The following CYP3A7 variants were observed in gnomAD, a reference collection of about 807,000 sequenced individuals.
CYP3A7 encodes the protein cytochrome P450 3A7.
CYP3A7 carries 45 observed loss-of-function variants against 55.2 expected under a neutral mutation model. The ratio of observed to expected loss-of-function variants is 0.82; its 90% CI spans 0.64 to 1.05. The LOEUF is 1.05. CYP3A7 is among the 50% of genes least tolerant of loss of function. The probability of loss-of-function intolerance (pLI) is 0.00; values close to 1 mark genes in which losing one functional copy is unlikely to be tolerated. For synonymous variants in CYP3A7, 180 were observed against 207.4 expected, an observed-to-expected ratio of 0.87 and a Z score of 1.13; for missense variants, 548 against 605.3, an observed-to-expected ratio of 0.91 and a Z score of 0.99.
At chr7:99,706,366 G>A (rs998618206) in intron 12 of CYP3A7, among the ~76,000 whole-genome samples, 1 of 152,150 alleles carries the variant, frequency 6.6e-6, no homozygotes, top group Non-Finnish European at 1.5e-5. Flanking sequence ...CCAGAGGACC[G>A]CCTTCTCTCA....
intron 2 of CYP3A7, among the ~76,000 whole-genome samples, chr7:99,726,218 C>T (rs1002098364): frequency 6.6e-6 from 1 of 152,162 alleles, no homozygotes; most frequent in Admixed American, 6.5e-5. Context: ...ATTACTATCC[C>T]ATTAAAGCCT....
intron 6 of CYP3A7, among the ~76,000 whole-genome samples, 196 bp from the exon 7 acceptor site, chr7:99,716,102 G>T (rs1244025456): frequency 6.6e-6 from 1 of 152,152 alleles, no homozygotes; most frequent in African/African-American, 2.4e-5. Flanking sequence ...CTGGCTCTCC[G>T]CTGGGGGTGA....
Position 99,731,054 on chromosome 7 carries a change from C to T in CYP3A7, c.165+5G>A. 6.2e-7 allele frequency: 1 copy of T among 1,613,734 alleles called. No individual in the cohort carries two copies. The highest frequency in any genetic ancestry group is 8.5e-7 in the Non-Finnish European group (1 of 1,179,730). On this transcript the variant is annotated splice_donor_5th_base_variant and intron_variant, in intron 2 of 12. Coordinates refer to ENST00000336374, the MANE Select transcript of CYP3A7 (RefSeq NM_000765.5). ...AAGCAAAAGAGGAAGCTCAAAAACA[C>T]TCACCTTACGGAAGGACAAAGCATT...
intron 9 of CYP3A7, among the ~76,000 whole-genome samples, chr7:99,711,781 A>AAC (rs1554429270): frequency 1.3e-5 from 2 of 151,212 alleles, no homozygotes; most frequent in Non-Finnish European, 3.0e-5. Context: ...AAACAAAACA[A>AAC]AACAACAACA....
At chr7:99,724,944 C>G (rs1234956958) in intron 2 of CYP3A7, among the ~76,000 whole-genome samples, 1 of 152,112 alleles carries the variant, frequency 6.6e-6, no homozygotes, top group Non-Finnish European at 1.5e-5. Flanking sequence ...AGAGTTGATA[C>G]CCTAGCCCAA....
intron 12 of CYP3A7, 60 bp from the exon 13 acceptor site, chr7:99,705,655 G>A: frequency 6.3e-7 from 1 of 1,589,918 alleles, no homozygotes; most frequent in South Asian, 1.1e-5. Flanking sequence ...AGAAAGTATA[G>A]CATCAAAGTA....
intron 5 of CYP3A7, 54 bp downstream of exon 5, chr7:99,717,472 C>T: frequency 6.2e-7 from 1 of 1,606,584 alleles, no homozygotes; most frequent in Non-Finnish European, 8.5e-7. Context: ...TTCTACCTGT[C>T]CCCACCTGAT....
At chr7:99,728,952 ACCTACT>A (rs1814520545) in intron 2 of CYP3A7, among the ~76,000 whole-genome samples, 1 of 152,192 alleles carries the variant, frequency 6.6e-6, no homozygotes, top group Non-Finnish European at 1.5e-5. Context: ...TGAGGCCTTG[ACCTACT>A]CACTGCTGAA....
intron 6 of CYP3A7, among the ~76,000 whole-genome samples, chr7:99,716,742 C>G (rs114788055): frequency 0.018 from 2,804 of 152,062 alleles, 82 homozygotes; most frequent in African/African-American, 0.064. Context: ...TACTGATACC[C>G]TCAGAAAAAA....
rs752032213 is a variant in CYP3A7, at chr7:99,715,906, G to A, written c.522C>T (p.His174=). 3.1e-6 allele frequency: 5 copies of A among 1,613,616 alleles called. No homozygotes were observed. Among genetic ancestry groups the A allele is most frequent in the East Asian group, 2.2e-5 (1 of 44,878 alleles). The change falls in exon 7 of 13, where the codon CAC becomes CAT. Residue 174 remains histidine, a splice_region_variant and synonymous_variant. Coordinates refer to ENST00000336374, the MANE Select transcript of CYP3A7 (RefSeq NM_000765.5). The part of the protein sequence containing the change: ...AETGKPVTLK[H]VFGAYSMDVI... ...CATCCATGCTGTAGGCCCCAAAGAC[G>A]CTGAGTGGAGAAAGATGTGGAAAAT...
chr7:99,705,853 T>G (rs1297924844), intron 12 of CYP3A7, among the ~76,000 whole-genome samples: 2 of 152,208 alleles, frequency 1.3e-5, no homozygotes, highest in East Asian at 3.8e-4. Context: ...TGAGACAAAT[T>G]CATGGGAACC....
In CYP3A7 at chr7:99,735,061, G is replaced by A; in HGVS notation, c.33C>T (p.Thr11=). The change falls in exon 1 of 13, where the codon ACC becomes ACT. Residue 11 remains threonine, a synonymous_variant. Coordinates refer to ENST00000336374, the MANE Select transcript of CYP3A7 (RefSeq NM_000765.5). MDLIPNLAVE[T]WLLLAVSLIL... is the part of the protein sequence containing the mutation. ...TCAGGCTGACAGCCAGGAGAAGCCA[G>A]GTTTCCACGGCCAAGTTTGGGATGA... 6.2e-7 allele frequency: 1 copy of A among 1,614,116 alleles called. No homozygotes were observed. The highest frequency in any genetic ancestry group is 8.5e-7 in the Non-Finnish European group (1 of 1,179,982).
chr7:99,728,766 G>T (rs1289048509), intron 2 of CYP3A7, among the ~76,000 whole-genome samples: 1 of 152,124 alleles, frequency 6.6e-6, no homozygotes, highest in East Asian at 1.9e-4. Flanking sequence ...GTAGGGTTAG[G>T]ACTTTCTGCT....
chr7:99,720,351 G>T lies in CYP3A7; in HGVS notation c.280C>A (p.Leu94Ile), dbSNP rs1341882659. 1 of 1,613,684 alleles carries T rather than the reference G, an allele frequency of 6.2e-7. No individual in the cohort carries two copies. Among genetic ancestry groups the T allele is most frequent in the Non-Finnish European group, 8.5e-7 (1 of 1,179,744 alleles). Residue 94 changes from leucine (L) to isoleucine (I), a missense_variant, in exon 4 of 13, where the codon CTA becomes ATA. Physicochemically the swap from Leu to Ile is conservative, Grantham distance 5. Coordinates refer to ENST00000336374, the MANE Select transcript of CYP3A7 (RefSeq NM_000765.5). ...ITDPDMIKTV[L>I]VKECYSVFTN... ...AAGACAGAATAACATTCTTTCACTA[G>T]CACTGTTTTGATCATGTCGGGATCT...
chr7:99,735,177 T>A lies in CYP3A7; in HGVS notation c.-84A>T. On this transcript the variant is annotated 5_prime_UTR_variant, in exon 1 of 13. Transcript: ENST00000336374. ...TTTGCTGGGCTGTGTGTGTGGAGCT[T>A]TCCTGCCCTGCACAGCAGTGATTCA... The A allele has an allele frequency of 6.4e-7, 1 of 1,557,114 alleles. No homozygotes were observed. Among genetic ancestry groups the A allele is most frequent in the Non-Finnish European group, 8.8e-7 (1 of 1,133,522 alleles).
At chr7:99,715,169 G>A (rs1319147900) in intron 7 of CYP3A7, among the ~76,000 whole-genome samples, 1 of 152,208 alleles carries the variant, frequency 6.6e-6, no homozygotes, top group Non-Finnish European at 1.5e-5. Flanking sequence ...CAACCAATAA[G>A]TTGAAGTAGA....
intron 11 of CYP3A7, among the ~76,000 whole-genome samples, chr7:99,708,521 C>A (rs1584505071): frequency 6.6e-6 from 1 of 152,160 alleles, no homozygotes; most frequent in East Asian, 1.9e-4. Context: ...CCTTCTTTCT[C>A]CCCCACACCT....
chr7:99,713,264 G>A (rs1424247358), intron 9 of CYP3A7, among the ~76,000 whole-genome samples: 3 of 152,104 alleles, frequency 2.0e-5, no homozygotes, highest in Non-Finnish European at 4.4e-5. Flanking sequence ...TTTCCTTAGG[G>A]TTGCCCTTTA....
intron 2 of CYP3A7, among the ~76,000 whole-genome samples, chr7:99,722,946 C>T (rs540295431): frequency 1.9e-4 from 29 of 152,090 alleles, no homozygotes; most frequent in Admixed American, 7.2e-4. Context: ...TCCAGCTTAA[C>T]ATGAAAGTTC....
Sources: gnomAD v4.1 joint callset for allele counts (sites outside exome capture counted in the v4.1 genomes callset) on GRCh38, gnomAD v4.1.1 for gene constraint, MANE v1.5 for transcripts, NCBI Gene and HGNC (gene_info 2026-07-23, HGNC 2026-07-21) for gene names.